CECR2: variants seen among roughly 807,000 people sequenced by gnomAD.
CECR2 encodes the protein CECR2 histone acetyl-lysine reader.
A neutral mutation model predicts 154.5 loss-of-function variants in CECR2; 30 were observed. The ratio of observed to expected loss-of-function variants is 0.19; its 90% CI spans 0.15 to 0.26. CECR2 has a LOEUF of 0.26. Among genes scored for constraint, CECR2 ranks in the 10% least tolerant of loss-of-function variants. CECR2 has a pLI of 1.00. For missense variants in CECR2, 1,743 were observed against 1,829.3 expected (o/e 0.95, Z 0.86); for synonymous variants, 725 against 683.7 (o/e 1.06, Z -0.94).
At position 17,504,946 on chromosome 22, in the gene CECR2, G is replaced by A. The variant is rs201912432; in HGVS notation, c.800G>A (p.Arg267Gln). ...TESFRERTSLRERQLYKLLSE... is the reference protein window; with the variant it reads ...TESFRERTSLQERQLYKLLSE... ...AGTTTTCGCGAGAGGACCTCCCTTC[G>A]AGAACGGCAGCTCTACAAGCTCCTC... Residue 267 changes from arginine to glutamine, a missense_variant, in exon 7 of 19, where the codon CGA becomes CAA. Arg to Gln is a conservative substitution (Grantham distance 43). This residue lies in a region of CECR2 where 292 missense variants were observed against 301.2 expected (regional missense o/e 0.97). Transcript: ENST00000262608. 7.3e-5 allele frequency: 117 copies of A among 1,613,500 alleles called. No individual in the cohort carries two copies. Among genetic ancestry groups the A allele is most frequent in the Non-Finnish European group, 9.5e-5 (112 of 1,179,830 alleles).
At chr22:17,534,239 T>G (rs2056402895) in intron 9 of CECR2, among the ~76,000 whole-genome samples, 1 of 152,018 alleles carries the variant, frequency 6.6e-6, no homozygotes, top group Non-Finnish European at 1.5e-5. Flanking sequence ...TGTGGGAGGA[T>G]CCGTTATGCA....
At chr22:17,387,827 A>G (rs1011843975) in intron 1 of CECR2, among the ~76,000 whole-genome samples, 13 of 152,174 alleles carry the variant, frequency 8.5e-5, no homozygotes, top group African/African-American at 3.1e-4. Context: ...GTAGTTGTTT[A>G]CTATCATGAC....
chr22:17,504,177 G>A (rs2055791834), intron 6 of CECR2, among the ~76,000 whole-genome samples: 1 of 152,000 alleles, frequency 6.6e-6, no homozygotes, highest in Admixed American at 6.5e-5. Flanking sequence ...TTAGAGCCCA[G>A]CCTGGACAAC....
At chr22:17,431,702 AAAG>A (rs1212752367) in intron 1 of CECR2, among the ~76,000 whole-genome samples, 1 of 152,186 alleles carries the variant, frequency 6.6e-6, no homozygotes, top group Non-Finnish European at 1.5e-5. Context: ...ATGGAAAAAA[AAAG>A]ACTAAAGTGG....
At chr22:17,365,498 G>T (rs758574737), upstream of CECR2, among the ~76,000 whole-genome samples, 26 of 151,914 alleles carry the variant, frequency 1.7e-4, no homozygotes, top group African/African-American at 2.7e-4. Flanking sequence ...ATCGAGACCA[G>T]CCTGGCTAAC....
chr22:17,541,830 G>A lies in CECR2; in HGVS notation c.1885-9G>A, dbSNP rs747098540. ...TTTTCCTCTTCTTGCTTTGTTCAAT[G>A]TGCTGCAGAGGCCAGCAGTACCAGG... On this transcript the variant is annotated splice_polypyrimidine_tract_variant and intron_variant, in intron 14 of 18. Transcript: ENST00000262608. The A allele has an allele frequency of 6.8e-6, 11 of 1,608,986 alleles. No homozygotes were observed. In the Admixed American group the frequency reaches 1.0e-4, roughly 15 times the overall value.
intron 1 of CECR2, among the ~76,000 whole-genome samples, chr22:17,433,353 CAT>C (rs1414986619): frequency 6.6e-6 from 1 of 152,214 alleles, no homozygotes; most frequent in Non-Finnish European, 1.5e-5. Context: ...GTCAGTAACA[CAT>C]GTCAACTCAA....
intron 1 of CECR2, among the ~76,000 whole-genome samples, chr22:17,363,483 C>T (rs531675435): frequency 6.6e-6 from 1 of 152,270 alleles, no homozygotes; most frequent in Non-Finnish European, 1.5e-5. Context: ...GGTGGAATTA[C>T]AGGCGTGAGC....
intron 2 of CECR2, among the ~76,000 whole-genome samples, chr22:17,486,249 C>T (rs1480043737): frequency 1.3e-5 from 2 of 152,132 alleles, no homozygotes; most frequent in Non-Finnish European, 2.9e-5. Context: ...CCTGAGGAAG[C>T]GAAGGCAAAA....
chr22:17,489,346 G>A (rs1381665887), intron 2 of CECR2, among the ~76,000 whole-genome samples: 2 of 152,226 alleles, frequency 1.3e-5, no homozygotes, highest in Non-Finnish European at 2.9e-5. Flanking sequence ...GACTAGTAAT[G>A]TGGAGTGGTT....
At chr22:17,396,191 A>G (rs185495473) in intron 1 of CECR2, among the ~76,000 whole-genome samples, 1 of 148,902 alleles carries the variant, frequency 6.7e-6, no homozygotes, top group Non-Finnish European at 1.5e-5. Flanking sequence ...GTAGTAAGCC[A>G]TGATCATACC....
At chr22:17,489,575 C>T (rs1478046207) in intron 2 of CECR2, among the ~76,000 whole-genome samples, 1 of 152,176 alleles carries the variant, frequency 6.6e-6, no homozygotes, top group Non-Finnish European at 1.5e-5. Context: ...CCGGCTTCAG[C>T]CTCCTGAGTA....
chr22:17,478,647 G>T (rs998614452), intron 2 of CECR2, among the ~76,000 whole-genome samples: 1 of 152,114 alleles, frequency 6.6e-6, no homozygotes, highest in Non-Finnish European at 1.5e-5. Flanking sequence ...GAGCCACCGC[G>T]CCTGGCCAAG....
rs2056750077 is a variant in CECR2 at position 17,554,326 on chromosome 22, A to G, written c.*1486A>G. The G allele has an allele frequency of 1.3e-5, 2 of 152,220 alleles. No individual in the cohort carries two copies. The highest frequency in any genetic ancestry group is 2.9e-5 in the Non-Finnish European group (2 of 68,048). The allele number at this position is 152,220 out of a possible 1,614,324, so 9.4% of individuals were successfully genotyped here. On this transcript the variant is annotated 3_prime_UTR_variant, in exon 19 of 19. Coordinates refer to ENST00000262608, the MANE Select transcript of CECR2 (RefSeq NM_001290047.2). ...TTTTTAAGCATGCTTTTGGGATAGT[A>G]GAAGAGTCTCTATGAAATATTAATC...
chr22:17,489,166 T>A (rs1436506550), intron 2 of CECR2, among the ~76,000 whole-genome samples: 1 of 152,218 alleles, frequency 6.6e-6, no homozygotes, highest in African/African-American at 2.4e-5. Flanking sequence ...ACTCCTGACC[T>A]CAGGTGATCA....
chr22:17,518,147 G>C (rs1036069542), intron 8 of CECR2, among the ~76,000 whole-genome samples: 5 of 152,176 alleles, frequency 3.3e-5, no homozygotes, highest in African/African-American at 9.7e-5. Context: ...CTTTCTACCA[G>C]GTAGAAGTTT....
At chr22:17,528,424 G>A (rs1351110197) in intron 9 of CECR2, among the ~76,000 whole-genome samples, 1 of 152,202 alleles carries the variant, frequency 6.6e-6, no homozygotes, top group Non-Finnish European at 1.5e-5. Context: ...ATAGTGGAGG[G>A]TTGGGGAGAG....
chr22:17,399,818 A>G (rs1156302848), intron 1 of CECR2, among the ~76,000 whole-genome samples: 1 of 152,204 alleles, frequency 6.6e-6, no homozygotes, highest in Non-Finnish European at 1.5e-5. Flanking sequence ...GTGTAATTTC[A>G]TCATTTCCCA....
chr22:17,534,313 G>A (rs1569147890), intron 9 of CECR2, among the ~76,000 whole-genome samples: 1 of 152,108 alleles, frequency 6.6e-6, no homozygotes, highest in Non-Finnish European at 1.5e-5. Flanking sequence ...TCTTGGGAGA[G>A]AACAGTGGTA....
Sources: gnomAD v4.1 joint callset for allele counts (sites outside exome capture counted in the v4.1 genomes callset) on GRCh38, gnomAD v4.1.1 for gene constraint, gnomAD v4.1.1 regional missense constraint, MANE v1.5 for transcripts, NCBI Gene and HGNC (gene_info 2026-07-23, HGNC 2026-07-21) for gene names.